ASAP2: variants seen among roughly 807,000 people sequenced by gnomAD.
ASAP2 encodes the protein arf-GAP with SH3 domain, ANK repeat and PH domain-containing protein 2.
Under a neutral mutation model 131.4 loss-of-function variants are expected in ASAP2, and 45 were observed. The observed-to-expected ratio is 0.34, with a 90% CI of 0.27 to 0.44. The LOEUF (loss-of-function observed/expected upper bound fraction) is 0.44. Ranked by LOEUF, ASAP2 falls within the 20% of genes least tolerant of loss-of-function variation. The pLI, the probability that ASAP2 is intolerant of heterozygous loss-of-function variation, is 1.00. For missense variants in ASAP2, 1,011 were observed against 1,297.0 expected, an observed-to-expected ratio of 0.78 and a Z score of 3.39; for synonymous variants, 510 against 503.0, an observed-to-expected ratio of 1.01 and a Z score of -0.19.
chr2:9,331,700 G>A (rs182705191), intron 7 of ASAP2, among the ~76,000 whole-genome samples: 16 of 152,238 alleles, frequency 1.1e-4, no homozygotes, highest in African/African-American at 2.6e-4. Context: ...CCCAAGAGGC[G>A]GAGGTTGCAG....
At chr2:9,401,246 C>T in intron 26 of ASAP2, 28 bp from the exon 27 acceptor site, 1 of 1,612,678 alleles carries the variant, frequency 6.2e-7, no homozygotes, top group Non-Finnish European at 8.5e-7. Context: ...TGCAGCCACA[C>T]TAACCGTTGT....
At chr2:9,330,640 G>C (rs1306484044) in intron 7 of ASAP2, among the ~76,000 whole-genome samples, 1 of 152,182 alleles carries the variant, frequency 6.6e-6, no homozygotes, top group African/African-American at 2.4e-5. Flanking sequence ...ATTTTATGGA[G>C]ACTCAAAATT....
chr2:9,206,996 C>CCGGAGCGGCGGCGGCAGCGGCGGTGT lies in ASAP2; in HGVS notation c.-107_-82dup, dbSNP rs1661151121. The CCGGAGCGGCGGCGGCAGCGGCGGTGT allele has an allele frequency of 4.9e-6, 5 of 1,018,086 alleles. No homozygotes were observed. The South Asian group carries it at 2.2e-4, about 46-fold the overall frequency. The allele number at this position is 1,018,086 out of a possible 1,614,324, so 63.1% of individuals were successfully genotyped here. On this transcript the variant is annotated 5_prime_UTR_variant, in exon 1 of 28. Transcript: ENST00000281419. The surrounding 1 kb of genome is among the most constrained non-coding windows in gnomAD (Gnocchi z 4.0). ...CCCGGCGCTCCCCTTTGTCCGCGGGCCGGAGCGGCGGCGGCAGCGGCGGTG... is the reference window on the plus strand; with the variant it reads ...CCCGGCGCTCCCCTTTGTCCGCGGGCCGGAGCGGCGGCGGCAGCGGCGGTGTCGGAGCGGCGGCGGCAGCGGCGGTG...
chr2:9,375,072 T>G, intron 17 of ASAP2, 128 bp downstream of exon 17: 148 of 327,980 alleles, frequency 4.5e-4, no homozygotes, highest in Non-Finnish European at 6.0e-4. Context: ...GAGTTTGAGA[T>G]CAGCCTGGGC....
chr2:9,385,086 T>G (rs1422666157), intron 20 of ASAP2, among the ~76,000 whole-genome samples, 159 bp from the exon 21 acceptor site: 2 of 152,178 alleles, frequency 1.3e-5, no homozygotes, highest in Non-Finnish European at 2.9e-5. Flanking sequence ...GGTTACGCTG[T>G]GAAGTAGGCA....
intron 11 of ASAP2, among the ~76,000 whole-genome samples, chr2:9,349,489 G>A (rs950374168): frequency 6.6e-6 from 1 of 152,186 alleles, no homozygotes; most frequent in Non-Finnish European, 1.5e-5. Flanking sequence ...AACAATCCAC[G>A]ATCAGTGGTG....
chr2:9,401,007 C>T (rs1572647402), intron 26 of ASAP2, among the ~76,000 whole-genome samples, 177 bp downstream of exon 26: 1 of 152,226 alleles, frequency 6.6e-6, no homozygotes, highest in South Asian at 2.1e-4. Flanking sequence ...CCTCCTGCCG[C>T]AGCTCCACAA....
chr2:9,282,680 G>A (rs1159215183), intron 2 of ASAP2, among the ~76,000 whole-genome samples: 4 of 152,206 alleles, frequency 2.6e-5, no homozygotes, highest in Non-Finnish European at 5.9e-5. Flanking sequence ...TTCCTGTATA[G>A]GAAGAGCGCT....
intron 8 of ASAP2, 76 bp from the exon 9 acceptor site, chr2:9,335,017 C>A: frequency 6.8e-7 from 1 of 1,471,356 alleles, no homozygotes; most frequent in East Asian, 2.3e-5. Flanking sequence ...GGAAATGGCC[C>A]CATGAGCACC....
chr2:9,355,816 G>A (rs957171188), intron 12 of ASAP2, among the ~76,000 whole-genome samples: 6 of 152,122 alleles, frequency 3.9e-5, no homozygotes, highest in East Asian at 1.9e-4. Flanking sequence ...TAGAAGCGGC[G>A]TCTTTTAAAA....
intron 1 of ASAP2, among the ~76,000 whole-genome samples, chr2:9,258,821 C>T (rs1220652751): frequency 2.0e-4 from 31 of 152,168 alleles, no homozygotes; most frequent in Admixed American, 1.9e-3. Context: ...CTCTCGCTCT[C>T]TCTCCTCTTC....
In ASAP2 at chr2:9,271,263, A is replaced by G. The variant is rs1666374326; in HGVS notation, c.127-8054A>G. Reference sequence around the variant, plus strand: ...CTCATTGCAAGGAAATCCTCACTTAAACTACAGTGAGCCACAAGCATTTAA... The same window carrying G: ...CTCATTGCAAGGAAATCCTCACTTAGACTACAGTGAGCCACAAGCATTTAA... On this transcript the variant is annotated intron_variant, in intron 1 of 27. Coordinates refer to ENST00000281419, the MANE Select transcript of ASAP2 (RefSeq NM_003887.3). 4 of 737,308 alleles carry G rather than the reference A, an allele frequency of 5.4e-6. No homozygotes were observed. The Admixed American group carries it at 5.8e-5, about 11-fold the overall frequency. 45.7% of individuals were successfully genotyped at this position (737,308 alleles called of 1,614,324 possible).
At chr2:9,242,961 G>A (rs1664083799) in intron 1 of ASAP2, among the ~76,000 whole-genome samples, 1 of 152,268 alleles carries the variant, frequency 6.6e-6, no homozygotes, top group South Asian at 2.1e-4. Context: ...CATAAGCAGC[G>A]TTGTGTGCTT....
intron 9 of ASAP2, among the ~76,000 whole-genome samples, chr2:9,339,323 G>C (rs998078182): frequency 1.1e-4 from 17 of 152,042 alleles, no homozygotes; most frequent in Admixed American, 6.5e-4. Context: ...CTTGGCATTT[G>C]AATCCTGGGT....
intron 2 of ASAP2, among the ~76,000 whole-genome samples, chr2:9,293,607 A>G (rs984107373): frequency 6.6e-6 from 1 of 152,164 alleles, no homozygotes; most frequent in Non-Finnish European, 1.5e-5. Flanking sequence ...TCTGTTCTCT[A>G]GTAGGAAAAT....
chr2:9,294,811 CA>C (rs1668053151), intron 2 of ASAP2, among the ~76,000 whole-genome samples: 1 of 152,114 alleles, frequency 6.6e-6, no homozygotes, highest in Non-Finnish European at 1.5e-5. Flanking sequence ...AGGAGGACAC[CA>C]CGGCCCAGCT....
intron 1 of ASAP2, among the ~76,000 whole-genome samples, chr2:9,209,003 T>C (rs1661347096): frequency 6.7e-6 from 1 of 150,246 alleles, no homozygotes; most frequent in Non-Finnish European, 1.5e-5. Context: ...TTGGCATACC[T>C]TTCTCTGATT....
Position 9,391,210 on chromosome 2 carries a change from CT to C in ASAP2, c.2518+19del, listed in dbSNP as rs1483931451. 6.2e-7 allele frequency: 1 copy of C among 1,604,696 alleles called. No individual in the cohort carries two copies. Among genetic ancestry groups the C allele is most frequent in the Non-Finnish European group, 8.5e-7 (1 of 1,174,902 alleles). ...TGACATCTACCAGTACGTTTTTTTC[CT>C]TTTTCCTTTCTTGCCCGTGGGCTTT... On this transcript the variant is annotated intron_variant, in intron 23 of 27. Transcript: ENST00000281419.
chr2:9,371,094 T>C (rs1383195495), intron 16 of ASAP2, among the ~76,000 whole-genome samples: 1 of 152,214 alleles, frequency 6.6e-6, no homozygotes, highest in East Asian at 1.9e-4. Flanking sequence ...ACTGTCAATG[T>C]GGAACCCTTC....
Sources: gnomAD v4.1 joint callset for allele counts (sites outside exome capture counted in the v4.1 genomes callset) on GRCh38, gnomAD v4.1.1 for gene constraint, Gnocchi (gnomAD v3.1) non-coding constraint, MANE v1.5 for transcripts, NCBI Gene and HGNC (gene_info 2026-07-23, HGNC 2026-07-21) for gene names.